The following BDH1 variants were observed in gnomAD, a reference collection of about 807,000 sequenced individuals.
BDH1 encodes D-beta-hydroxybutyrate dehydrogenase, mitochondrial.
BDH1 carries 30 observed loss-of-function variants against 33.1 expected under a neutral mutation model. That is an observed-to-expected ratio of 0.91 (90% CI 0.68 to 1.23). The LOEUF (loss-of-function observed/expected upper bound fraction) is 1.23, where lower values mean the gene tolerates loss of function less well. Among genes scored for constraint, BDH1 ranks in the 50% most tolerant of loss-of-function variants. BDH1 has a pLI of 0.00. For missense variants in BDH1, 443 were observed against 464.4 expected, an observed-to-expected ratio of 0.95 and a Z score of 0.42; for synonymous variants, 190 against 183.6, an observed-to-expected ratio of 1.03 and a Z score of -0.28.
chr3:197,564,665 T>C (rs942778643), intron 1 of BDH1, among the ~76,000 whole-genome samples: 17 of 152,192 alleles, frequency 1.1e-4, no homozygotes, highest in African/African-American at 3.9e-4. Flanking sequence ...TAAGAGCCAA[T>C]GTTGAGAGAT....
At chr3:197,515,398 C>T in intron 6 of BDH1, 3 of 985,772 alleles carry the variant, frequency 3.0e-6, no homozygotes, top group Non-Finnish European at 3.6e-6. Flanking sequence ...TCAGCGTCAT[C>T]CACGACCCCA....
At chr3:197,563,135 T>G (rs1026957725) in intron 1 of BDH1, among the ~76,000 whole-genome samples, 7 of 152,226 alleles carry the variant, frequency 4.6e-5, no homozygotes, top group African/African-American at 1.7e-4. Flanking sequence ...TATGTGTGTA[T>G]GTACATGTAC....
At position 197,566,700 on chromosome 3, in the gene BDH1, T is replaced by C. The variant is rs114307048; in HGVS notation, c.-44+6481A>G. Among the ~76,000 whole-genome samples, 543 of 152,354 alleles carry C rather than the reference T, an allele frequency of 3.6e-3. 1 individual carries two copies. Among genetic ancestry groups the C allele is most frequent in the African/African-American group, 0.013 (526 of 41,594 alleles). The stretch of plus-strand genomic sequence containing the variant: ...AGAGAAACATTATGATTCAAAACTA[T>C]AGTACAGCAGTTGTTAGATTCTAGT... On this transcript the variant is annotated intron_variant, in intron 1 of 6. Transcript: ENST00000358186.
Position 197,511,877 on chromosome 3 carries a change from A to G in BDH1, c.*18T>C, listed in dbSNP as rs377591892. 8 of 1,531,696 alleles carry G rather than the reference A, an allele frequency of 5.2e-6. No individual in the cohort carries two copies. Among genetic ancestry groups the G allele is most frequent in the Non-Finnish European group, 6.2e-6 (7 of 1,138,118 alleles). The allele number at this position is 1,531,696 out of a possible 1,614,324, so 94.9% of individuals were successfully genotyped here. A position where few individuals can be genotyped will look rare whatever the true frequency, so the allele number is the denominator to read the frequency against. On this transcript the variant is annotated 3_prime_UTR_variant, in exon 8 of 8. Coordinates refer to ENST00000392379, the MANE Select transcript of BDH1 (RefSeq NM_203314.3). Reference sequence around the variant, plus strand: ...CCCTTCCACCAGGGATCCCTGACAGAGGCCACAGCGAGACTCTTCAGCGGA... The same window carrying G: ...CCCTTCCACCAGGGATCCCTGACAGGGGCCACAGCGAGACTCTTCAGCGGA...
chr3:197,537,288 C>T (rs1020555086), intron 3 of BDH1, among the ~76,000 whole-genome samples: 2 of 152,176 alleles, frequency 1.3e-5, no homozygotes, highest in Non-Finnish European at 2.9e-5. Context: ...CACATCCGGT[C>T]GAAACTGTAT....
rs1713745071 is a variant in BDH1, at chr3:197,523,213, C to T, written c.268-432G>A. On this transcript the variant is annotated intron_variant, in intron 5 of 7. Coordinates refer to ENST00000392379, the MANE Select transcript of BDH1 (RefSeq NM_203314.3). The surrounding 1 kb of genome is among the most constrained non-coding windows in gnomAD (Gnocchi z 4.5). The stretch of plus-strand genomic sequence containing the variant: ...CATTCTTTTAAGTGTTGGCAACTTA[C>T]ACACATTTAAAAAAAAAAACAAAAA... 1 of 163,780 alleles carries T rather than the reference C, an allele frequency of 6.1e-6. No homozygotes were observed. The highest frequency in any genetic ancestry group is 1.3e-5 in the Non-Finnish European group (1 of 76,562). 10.1% of individuals were successfully genotyped at this position (163,780 alleles called of 1,614,324 possible).
At chr3:197,543,198 A>G (rs1291613200) in intron 3 of BDH1, 1 of 985,056 alleles carries the variant, frequency 1.0e-6, no homozygotes. Context: ...AACACATATC[A>G]GTGGCACAGG....
rs201488968 is a variant in BDH1 at position 197,511,940 on chromosome 3, C to T, written c.987G>A (p.Met329Ile). Residue 329 changes from methionine to isoleucine, a missense_variant, in exon 8 of 8, where the codon ATG becomes ATA. By Grantham distance (10) the Met-to-Ile change is conservative. Coordinates refer to ENST00000392379, the MANE Select transcript of BDH1 (RefSeq NM_203314.3). ...CGGAGATGGCTCCAGGCAAGTGGGT[C>T]ATGATCTGCATTCGCAGCCACCAGT... ...DYYWWLRMQI[M>I]THLPGAISDM... is the part of the protein sequence containing the mutation. 24 of 1,587,530 alleles carry T rather than the reference C, an allele frequency of 1.5e-5. No homozygotes were observed. The highest frequency in any genetic ancestry group is 1.8e-5 in the Non-Finnish European group (21 of 1,164,842).
Position 197,514,290 on chromosome 3 carries a change from A to T in BDH1, c.536T>A (p.Phe179Tyr). The T allele has an allele frequency of 6.2e-7, 1 of 1,613,548 alleles. No individual in the cohort carries two copies. ...TTTGGCCCTTCGGATGAGGGGGAGA[A>T]AGGATTTCGTCATCCGCACTGTGCC... The part of the protein sequence containing the change: ...LWGTVRMTKS[F>Y]LPLIRRAKGR... The change falls in exon 7 of 8, where the codon TTT (phenylalanine) becomes TAT (tyrosine). Residue 179 changes from phenylalanine (F) to tyrosine (Y), a missense_variant. Phe to Tyr is a conservative substitution (Grantham distance 22). Coordinates refer to ENST00000392379, the MANE Select transcript of BDH1 (RefSeq NM_203314.3). This position sits in a 1 kb window ranked among gnomAD's most constrained non-coding sequence, Gnocchi z 4.2.
intron 3 of BDH1, among the ~76,000 whole-genome samples, chr3:197,541,396 T>G (rs1245207420): frequency 1.3e-5 from 2 of 152,206 alleles, no homozygotes; most frequent in Non-Finnish European, 2.9e-5. Flanking sequence ...GTGATCATGG[T>G]CGTGTGGTTA....
At chr3:197,542,380 TCTC>T (rs1330417873) in intron 3 of BDH1, among the ~76,000 whole-genome samples, 1 of 151,896 alleles carries the variant, frequency 6.6e-6, no homozygotes, top group Admixed American at 6.6e-5. Context: ...CCCTGGAGGG[TCTC>T]CTCTGCCCAG....
At chr3:197,557,661 G>A (rs1297376485), upstream of BDH1, among the ~76,000 whole-genome samples, 9 of 152,196 alleles carry the variant, frequency 5.9e-5, 1 homozygote, top group African/African-American at 1.9e-4. The surrounding 1 kb of genome is among the most constrained non-coding windows in gnomAD (Gnocchi z 4.6). Flanking sequence ...AGGTTGCAGT[G>A]AGCTGAGATG....
rs202110030 is a variant in BDH1 at position 197,512,179 on chromosome 3, G to T, written c.748C>A (p.Pro250Thr). Residue 250 changes from proline (P) to threonine (T), a missense_variant, in exon 8 of 8, where the codon CCT (proline) becomes ACT (threonine). Pro to Thr is a conservative substitution (Grantham distance 38, BLOSUM62 -1). Transcript: ENST00000392379. ...TTGGCGATGGCCTGAATGCTCTCAG[G>T]GCTGTAAAGGCTGGTGGCAGCGATG... ...NFIAATSLYS[P>T]ESIQAIAKKM... The T allele has an allele frequency of 1.9e-6, 3 of 1,614,088 alleles. No individual in the cohort carries two copies. In the Admixed American group the frequency reaches 5.0e-5, roughly 27 times the overall value.
At chr3:197,550,629 C>T (rs74432884) in intron 2 of BDH1, among the ~76,000 whole-genome samples, 2,499 of 152,108 alleles carry the variant, frequency 0.016, 17 homozygotes, top group South Asian at 0.032. Flanking sequence ...CATGCAATGG[C>T]GCTGCTGGAG....
chr3:197,535,174 T>C (rs1026024356), intron 3 of BDH1, among the ~76,000 whole-genome samples: 1 of 152,228 alleles, frequency 6.6e-6, no homozygotes, highest in African/African-American at 2.4e-5. Context: ...ACACAGGAAT[T>C]TGAGGAGAAT....
chr3:197,570,282 C>G (rs71325624), intron 1 of BDH1, among the ~76,000 whole-genome samples: 1 of 152,126 alleles, frequency 6.6e-6, no homozygotes, highest in Non-Finnish European at 1.5e-5. Context: ...GGAAACAGAA[C>G]ATAAAAGTTT....
chr3:197,545,334 C>T (rs891332129), intron 3 of BDH1, among the ~76,000 whole-genome samples: 1 of 152,148 alleles, frequency 6.6e-6, no homozygotes, highest in Non-Finnish European at 1.5e-5. Flanking sequence ...ACAAACGATG[C>T]GGTGAAGGTT....
At chr3:197,562,049 T>C (rs879325311) in intron 1 of BDH1, among the ~76,000 whole-genome samples, 7 of 152,154 alleles carry the variant, frequency 4.6e-5, no homozygotes, top group Admixed American at 3.9e-4. Flanking sequence ...TTCTTACATC[T>C]AAAGCTCTGT....
chr3:197,530,627 A>G (rs147375860), intron 5 of BDH1: 1 of 152,662 alleles, frequency 6.6e-6, no homozygotes, highest in African/African-American at 2.4e-5. Context: ...CAAAAATACA[A>G]AGTTATTCAT....
Sources: allele counts gnomAD v4.1 joint callset (sites outside exome capture counted in the v4.1 genomes callset), GRCh38; gene constraint gnomAD v4.1.1; non-coding constraint Gnocchi (gnomAD v3.1); transcripts MANE v1.5; gene names NCBI Gene and HGNC (gene_info 2026-07-23, HGNC 2026-07-21).